ANK2: variants seen among roughly 807,000 people sequenced by gnomAD.
The protein encoded by ANK2 is ankyrin 2, also known as ankyrin-2.
Under a neutral mutation model 360.5 loss-of-function variants are expected in ANK2, and 83 were observed. The observed-to-expected ratio is 0.23, with a 90% CI of 0.19 to 0.28. The LOEUF is 0.28. Ranked by LOEUF, ANK2 falls within the 10% of genes least tolerant of loss-of-function variation. The pLI is 1.00. For missense variants in ANK2, 4,201 were observed against 4,795.7 expected (o/e 0.88, Z 3.66); for synonymous variants, 1,740 against 1,759.5 (o/e 0.99, Z 0.28).
intron 2 of ANK2, among the ~76,000 whole-genome samples, chr4:113,027,674 T>C (rs2059566030): frequency 6.6e-6 from 1 of 152,122 alleles, no homozygotes; most frequent in East Asian, 1.9e-4. Flanking sequence ...CACACTTCCA[T>C]GTTCACAAAT....
chr4:113,092,571 CT>C (rs1273646911), intron 1 of ANK2, among the ~76,000 whole-genome samples: 7 of 122,010 alleles, frequency 5.7e-5, no homozygotes, highest in South Asian at 3.0e-4. Context: ...TGGGAATTAG[CT>C]ATTCATCTTT....
chr4:113,154,052 G>A (rs2097188041), intron 1 of ANK2, among the ~76,000 whole-genome samples: 1 of 152,148 alleles, frequency 6.6e-6, no homozygotes, highest in Non-Finnish European at 1.5e-5. Context: ...TTAATTCAAT[G>A]TATTGCCAAA....
At chr4:112,916,646 A>G (rs1043564682) in intron 2 of ANK2, among the ~76,000 whole-genome samples, 6 of 152,210 alleles carry the variant, frequency 3.9e-5, no homozygotes, top group African/African-American at 1.4e-4. Flanking sequence ...GCTGGGATTG[A>G]GTCCCTTTAA....
intron 2 of ANK2, among the ~76,000 whole-genome samples, chr4:112,958,429 C>G (rs911604408): frequency 2.6e-5 from 4 of 152,110 alleles, no homozygotes; most frequent in Non-Finnish European, 5.9e-5. Context: ...CCATCTCCAC[C>G]AAAAAAATAC....
chr4:113,317,934 A>G, intron 25 of ANK2, 125 bp downstream of exon 25: 1 of 818,862 alleles, frequency 1.2e-6, no homozygotes, highest in South Asian at 1.5e-5. Context: ...TTGAGAAGCT[A>G]GGATAAGAGA....
intron 18 of ANK2, among the ~76,000 whole-genome samples, chr4:113,286,941 A>G (rs1033707285): frequency 4.6e-5 from 7 of 152,118 alleles, no homozygotes; most frequent in Admixed American, 2.0e-4. Flanking sequence ...TCTTTTCTCC[A>G]TGCCTTTCTT....
At chr4:113,361,028 C>T in intron 39 of ANK2, 131 bp downstream of exon 39, 1 of 844,868 alleles carries the variant, frequency 1.2e-6, no homozygotes, top group Non-Finnish European at 1.9e-6. Context: ...AAACTAAGAA[C>T]TAGAAAACCT....
At chr4:113,025,985 G>T (rs147960108) in intron 2 of ANK2, among the ~76,000 whole-genome samples, 4 of 152,284 alleles carry the variant, frequency 2.6e-5, no homozygotes, top group Non-Finnish European at 5.9e-5. Flanking sequence ...AGCAGGTTAA[G>T]TAAATAAATG....
chr4:112,956,941 T>C (rs1251155189), intron 2 of ANK2, among the ~76,000 whole-genome samples: 3 of 152,012 alleles, frequency 2.0e-5, no homozygotes, highest in Non-Finnish European at 2.9e-5. Flanking sequence ...ATGTATTATA[T>C]GATTTTTTTA....
chr4:112,961,105 G>T (rs368713599), intron 2 of ANK2, among the ~76,000 whole-genome samples: 1 of 150,988 alleles, frequency 6.6e-6, no homozygotes, highest in African/African-American at 2.4e-5. Flanking sequence ...AGACAAATAG[G>T]TTACAGACAA....
intron 1 of ANK2, among the ~76,000 whole-genome samples, chr4:112,853,464 A>G (rs1402806924): frequency 2.6e-5 from 4 of 152,052 alleles, no homozygotes; most frequent in Non-Finnish European, 5.9e-5. Context: ...GGCCTTCCAA[A>G]GTTCTGTGAT....
chr4:113,195,918 A>C (rs1205976050), intron 2 of ANK2, among the ~76,000 whole-genome samples: 1 of 152,198 alleles, frequency 6.6e-6, no homozygotes, highest in East Asian at 1.9e-4. Context: ...TGTTGTCTGT[A>C]AATCCCAGGA....
chr4:113,084,255 G>A (rs2083585230), intron 1 of ANK2, among the ~76,000 whole-genome samples: 1 of 152,184 alleles, frequency 6.6e-6, no homozygotes, highest in Non-Finnish European at 1.5e-5. Context: ...GAAGGGGTAG[G>A]AAAATGAAGT....
chr4:113,099,334 C>A (rs577603424), intron 1 of ANK2, among the ~76,000 whole-genome samples: 1 of 151,954 alleles, frequency 6.6e-6, no homozygotes, highest in East Asian at 1.9e-4. Flanking sequence ...GGTTAATATA[C>A]AAAAGTCAGC....
At chr4:113,328,892 G>A (rs1050294315) in intron 26 of ANK2, among the ~76,000 whole-genome samples, 1 of 152,134 alleles carries the variant, frequency 6.6e-6, no homozygotes, top group African/African-American at 2.4e-5. Flanking sequence ...TAACATAAAT[G>A]TTTTGTGTTT....
the ANK2 span, among the ~76,000 whole-genome samples, chr4:112,796,380 G>A: frequency 6.6e-6 from 1 of 151,926 alleles, no homozygotes; most frequent in African/African-American, 2.4e-5. Context: ...CCGAGATTGT[G>A]TCATTGCACT....
Position 113,323,846 on chromosome 4 carries a change from CT to C in ANK2, c.2900+5229del, listed in dbSNP as rs1321654257. On this transcript the variant is annotated intron_variant, in intron 26 of 45. Transcript: ENST00000357077. Reference sequence around the variant, plus strand: ...GAACATGTTGCCTATTCCTCTCCCCCTTTCGCCATCTCCTTCTGCATATTCC... The same window carrying C: ...GAACATGTTGCCTATTCCTCTCCCCCTTCGCCATCTCCTTCTGCATATTCC... 21 of 1,541,062 alleles carry C rather than the reference CT, an allele frequency of 1.4e-5. No individual in the cohort carries two copies. In the African/African-American group the frequency reaches 2.6e-4, roughly 19 times the overall value.
intron 45 of ANK2, among the ~76,000 whole-genome samples, chr4:113,377,157 C>T (rs2096976207): frequency 6.6e-6 from 1 of 151,954 alleles, no homozygotes; most frequent in African/African-American, 2.4e-5. Context: ...AATGTATTTA[C>T]CGTACATAAA....
chr4:112,713,799 T>G, the ANK2 span, among the ~76,000 whole-genome samples: 1 of 151,848 alleles, frequency 6.6e-6, no homozygotes, highest in Non-Finnish European at 1.5e-5. Flanking sequence ...CCGGGCGTGG[T>G]GGCAGGCGCC....
Sources: gnomAD v4.1 joint callset for allele counts (sites outside exome capture counted in the v4.1 genomes callset) on GRCh38, gnomAD v4.1.1 for gene constraint, MANE v1.5 for transcripts, NCBI Gene and HGNC (gene_info 2026-07-23, HGNC 2026-07-21) for gene names.